The following BLTP3B variants were observed in gnomAD, a reference collection of about 807,000 sequenced individuals.
BLTP3B encodes the protein UHRF1 (ICBP90) binding protein 1-like.
chr12:100,142,503 C>A, the BLTP3B span: 1 of 1,442,076 alleles, frequency 6.9e-7, no homozygotes, highest in East Asian at 2.6e-5. Flanking sequence ...GCACAGCCGC[C>A]AGGCGCCGCC....
chr12:100,102,700 C>CTTTTTTTTT, the BLTP3B span: 1 of 704,524 alleles, frequency 1.4e-6, no homozygotes, highest in Non-Finnish European at 2.2e-6. Flanking sequence ...GAGGTTAAGG[C>CTTTTTTTTT]TTTTTTTTTT....
At chr12:100,128,863 T>A in the BLTP3B span, 1 of 723,856 alleles carries the variant, frequency 1.4e-6, no homozygotes, top group Non-Finnish European at 1.8e-6. Flanking sequence ...CTGGATTCAC[T>A]AAAGGCAAAC....
the BLTP3B span, chr12:100,102,782 T>C: frequency 6.2e-6 from 10 of 1,608,724 alleles, no homozygotes; most frequent in Middle Eastern, 1.7e-4. Flanking sequence ...CCTGAAGCAG[T>C]TGCAATTGGT....
the BLTP3B span, among the ~76,000 whole-genome samples, chr12:100,042,241 A>G: frequency 1.3e-5 from 2 of 152,188 alleles, no homozygotes; most frequent in Non-Finnish European, 2.9e-5. Context: ...AGAAATTATA[A>G]GTTGAGCTGG....
At chr12:100,121,372 A>C in the BLTP3B span, among the ~76,000 whole-genome samples, 8,070 of 150,806 alleles carry the variant, frequency 0.054, 710 homozygotes, top group African/African-American at 0.18. Flanking sequence ...AAAAAAAAAA[A>C]ACAGAAAATG....
chr12:100,101,256 T>G, the BLTP3B span, among the ~76,000 whole-genome samples: 1 of 152,162 alleles, frequency 6.6e-6, no homozygotes, highest in Non-Finnish European at 1.5e-5. Context: ...AACCTGGCCT[T>G]TAGTCAACTC....
chr12:100,094,043 TCCCTACACAGAA>T, the BLTP3B span, among the ~76,000 whole-genome samples: 1 of 152,192 alleles, frequency 6.6e-6, no homozygotes, highest in Non-Finnish European at 1.5e-5. Flanking sequence ...GTTTCTGTAG[TCCCTACACAGAA>T]CCCTTTCCCT....
chr12:100,091,028 C>G, the BLTP3B span, among the ~76,000 whole-genome samples: 7 of 148,924 alleles, frequency 4.7e-5, no homozygotes, highest in African/African-American at 1.7e-4. Context: ...CATGAATAAT[C>G]CTTTTTTTTT....
the BLTP3B span, among the ~76,000 whole-genome samples, chr12:100,091,458 G>C: frequency 6.6e-6 from 1 of 151,618 alleles, no homozygotes; most frequent in Non-Finnish European, 1.5e-5. Flanking sequence ...AAAGTACTGG[G>C]ATTTCAGGCG....
the BLTP3B span, among the ~76,000 whole-genome samples, chr12:100,100,224 C>T: frequency 6.6e-6 from 1 of 151,200 alleles, no homozygotes; most frequent in South Asian, 2.1e-4. Flanking sequence ...AGGATCGCTT[C>T]AGTATGGGAG....
At chr12:100,046,746 G>A in the BLTP3B span, among the ~76,000 whole-genome samples, 3 of 151,974 alleles carry the variant, frequency 2.0e-5, no homozygotes, top group Admixed American at 1.3e-4. Flanking sequence ...AAAAGGAAGT[G>A]TCACTATAAA....
chr12:100,054,295 A>G, the BLTP3B span, among the ~76,000 whole-genome samples: 1 of 152,218 alleles, frequency 6.6e-6, no homozygotes, highest in Non-Finnish European at 1.5e-5. Flanking sequence ...CCAAATACAT[A>G]ATATGACAGC....
chr12:100,140,195 A>G, the BLTP3B span, among the ~76,000 whole-genome samples: 1 of 152,156 alleles, frequency 6.6e-6, no homozygotes. Flanking sequence ...AGATTTCTGA[A>G]TAACTATTTT....
chr12:100,061,273 G>C, the BLTP3B span, among the ~76,000 whole-genome samples: 142 of 152,284 alleles, frequency 9.3e-4, 1 homozygote, highest in Middle Eastern at 6.8e-3. Context: ...GTAGACTAGG[G>C]AGCAAATGCT....
At chr12:100,115,829 G>A in the BLTP3B span, among the ~76,000 whole-genome samples, 1 of 151,820 alleles carries the variant, frequency 6.6e-6, no homozygotes, top group Non-Finnish European at 1.5e-5. Context: ...GTTTATTCTA[G>A]AAATGAGGGC....
the BLTP3B span, among the ~76,000 whole-genome samples, chr12:100,115,582 C>T: frequency 0.069 from 10,422 of 152,070 alleles, 387 homozygotes; most frequent in South Asian, 0.089. Flanking sequence ...CAAGCCTGGG[C>T]AACATAGTGA....
At chr12:100,128,767 T>C in the BLTP3B span, 1 of 1,243,600 alleles carries the variant, frequency 8.0e-7, no homozygotes, top group Non-Finnish European at 1.0e-6. Context: ...AGGGAGCAAG[T>C]TTAAGGGAAG....
the BLTP3B span, among the ~76,000 whole-genome samples, chr12:100,053,746 C>T: frequency 2.0e-3 from 309 of 152,142 alleles, 2 homozygotes; most frequent in African/African-American, 7.2e-3. Flanking sequence ...TGATATGATA[C>T]TAAGGTGATA....
At chr12:100,081,923 T>C in the BLTP3B span, among the ~76,000 whole-genome samples, 3 of 152,240 alleles carry the variant, frequency 2.0e-5, no homozygotes, top group African/African-American at 7.2e-5. Flanking sequence ...TATGGGTATA[T>C]ACCCAGTAAT....
Sources: allele counts gnomAD v4.1 joint callset (sites outside exome capture counted in the v4.1 genomes callset), GRCh38; gene constraint gnomAD v4.1.1; transcripts MANE v1.5; gene names NCBI Gene and HGNC (gene_info 2026-07-23, HGNC 2026-07-21).